Variants in MADD observed in about 807,000 individuals in gnomAD.
MADD encodes MAP kinase-activating death domain protein.
In MADD, 109 loss-of-function variants were observed where a neutral mutation model predicts 176.7. The ratio of observed to expected loss-of-function variants is 0.62; its 90% CI spans 0.53 to 0.72. MADD has a LOEUF of 0.72. Among genes scored for constraint, MADD ranks in the 30% least tolerant of loss-of-function variants. The pLI is 0.00. For missense variants in MADD, 1,914 were observed against 2,045.5 expected, an observed-to-expected ratio of 0.94 and a Z score of 1.24; for synonymous variants, 771 against 771.3, an observed-to-expected ratio of 1.00 and a Z score of 0.01.
At chr11:47,276,633 G>A in intron 4 of MADD, 99 bp from the exon 5 acceptor site, 1 of 1,444,896 alleles carries the variant, frequency 6.9e-7, no homozygotes, top group South Asian at 1.3e-5. Flanking sequence ...GGAGCTGTAG[G>A]CTCGATGAAG....
chr11:47,274,944 C>T, exon 3 of MADD: 1 of 1,614,088 alleles, frequency 6.2e-7, no homozygotes, highest in Non-Finnish European at 8.5e-7. Context: ...TCAGTGCTGA[C>T]TCTACCCCTG....
At chr11:47,296,175 C>T (rs896296614) in intron 22 of MADD, 120 bp downstream of exon 24, 39 of 1,193,300 alleles carry the variant, frequency 3.3e-5, no homozygotes, top group Non-Finnish European at 4.5e-5. Context: ...AAGAGGTAAT[C>T]TTCTTATATT....
At chr11:47,290,224 G>T (rs753445549) in exon 18 of MADD, 4 of 1,614,144 alleles carry the variant, frequency 2.5e-6, no homozygotes, top group Non-Finnish European at 2.5e-6. Flanking sequence ...GCAGTCCTAT[G>T]CCCACGCGGG....
At chr11:47,297,924 G>A (rs953363727) in intron 22 of MADD, among the ~76,000 whole-genome samples, 2 of 150,956 alleles carry the variant, frequency 1.3e-5, no homozygotes, top group Non-Finnish European at 2.9e-5. Flanking sequence ...GAGTAGCTGG[G>A]ACTACAGGCG....
At chr11:47,317,101 C>G (rs936733753) in intron 27 of MADD, among the ~76,000 whole-genome samples, 1 of 152,186 alleles carries the variant, frequency 6.6e-6, no homozygotes, top group Non-Finnish European at 1.5e-5. Context: ...TTATCCCTTG[C>G]TTTTTTCATT....
exon 3 of MADD, chr11:47,275,062 A>C (rs760259138): frequency 6.2e-7 from 1 of 1,614,146 alleles, no homozygotes. Flanking sequence ...TTTCTTCTCC[A>C]CCTTCCGAGA....
At chr11:47,301,154 C>T (rs2077470908) in intron 22 of MADD, among the ~76,000 whole-genome samples, 1 of 151,202 alleles carries the variant, frequency 6.6e-6, no homozygotes, top group South Asian at 2.1e-4. Context: ...CTCTTGTTGC[C>T]CAGGCTGGAG....
At chr11:47,284,693 C>A in intron 12 of MADD, 128 bp downstream of exon 12, 2 of 1,333,498 alleles carry the variant, frequency 1.5e-6, no homozygotes, top group Non-Finnish European at 2.0e-6. Context: ...TCTTCATGGG[C>A]CCTAGAGCTT....
At chr11:47,286,837 C>T (rs2060993952) in intron 15 of MADD, among the ~76,000 whole-genome samples, 1 of 152,168 alleles carries the variant, frequency 6.6e-6, no homozygotes, top group South Asian at 2.1e-4. Context: ...TGCCCCCAGT[C>T]GTCTGCTGGG....
upstream of MADD, chr11:47,269,763 T>G (rs1958446366): frequency 6.8e-6 from 1 of 147,296 alleles, no homozygotes. Flanking sequence ...GAGTGGGGGG[T>G]GGGGACTGGG....
chr11:47,325,066 GTTTA>G lies in MADD; in HGVS notation c.4542+493_4542+496del, dbSNP rs1467036340. On this transcript the variant is annotated intron_variant, in intron 30 of 32. Transcript: ENST00000402192. The surrounding 1 kb of genome is among the most constrained non-coding windows in gnomAD (Gnocchi z 4.5). ...CTTGTATCTGTCCTCTCTGGAGTGT[GTTTA>G]TTTGCCTTTTTCTTCTGCGGATTCT... The G allele has an allele frequency of 2.9e-6, 1 of 347,104 alleles. No homozygotes were observed. The highest frequency in any genetic ancestry group is 5.3e-6 in the Non-Finnish European group (1 of 188,650). The allele number at this position is 347,104 out of a possible 1,614,324, so 21.5% of individuals were successfully genotyped here. A position where few individuals can be genotyped will look rare whatever the true frequency, so the allele number is the denominator to read the frequency against.
exon 24 of MADD, chr11:47,309,399 C>A: frequency 6.2e-7 from 1 of 1,614,160 alleles, no homozygotes; most frequent in Non-Finnish European, 8.5e-7. Context: ...AAATGATCGA[C>A]AGGTATGGGG....
intron 23 of MADD, 38 bp from the exon 27 acceptor site, chr11:47,309,236 CTTAAATG>C (rs762906289): frequency 1.4e-5 from 22 of 1,594,224 alleles, no homozygotes; most frequent in South Asian, 2.3e-5. Context: ...CAGCTATATT[CTTAAATG>C]TTAAATAGGC....
intron 23 of MADD, 49 bp downstream of exon 26, chr11:47,309,091 G>T: frequency 1.9e-6 from 3 of 1,603,834 alleles, no homozygotes; most frequent in South Asian, 1.1e-5. Context: ...CCTTGGGAGG[G>T]ACTGGGCCTT....
chr11:47,295,035 G>A (rs2069783326), intron 20 of MADD, among the ~76,000 whole-genome samples: 1 of 148,150 alleles, frequency 6.7e-6, no homozygotes, highest in South Asian at 2.1e-4. Flanking sequence ...TTTTGAGACA[G>A]GGTCTCATTC....
At chr11:47,323,857 G>C (rs2094961062) in intron 28 of MADD, 22 bp downstream of exon 31, 3 of 1,612,138 alleles carry the variant, frequency 1.9e-6, no homozygotes, top group East Asian at 2.2e-5. Flanking sequence ...CTGTGTTTGG[G>C]TTGGGGCTAG....
At chr11:47,308,565 A>G in intron 22 of MADD, 26 bp from the exon 25 acceptor site, 3 of 1,583,082 alleles carry the variant, frequency 1.9e-6, no homozygotes, top group Non-Finnish European at 2.6e-6. Flanking sequence ...ACCTCTGGCC[A>G]CTGACCTATC....
rs747762171 is a variant in MADD, at chr11:47,329,031, T to C, written c.4660-15T>C. 1.2e-4 allele frequency: 197 copies of C among 1,599,652 alleles called. No individual in the cohort carries two copies. The highest frequency in any genetic ancestry group is 1.6e-4 in the Non-Finnish European group (191 of 1,166,954). The stretch of plus-strand genomic sequence containing the variant: ...AGTCTCAGTATCGTGATCCGCCTGG[T>C]TTTCTCTCCTCTAGGCCCACGAAAT... On this transcript the variant is annotated splice_polypyrimidine_tract_variant and intron_variant, in intron 32 of 32. Coordinates refer to ENST00000402192, the Ensembl canonical transcript of MADD.
At chr11:47,273,573 C>G (rs1056640665) in intron 1 of MADD, among the ~76,000 whole-genome samples, 6 of 152,200 alleles carry the variant, frequency 3.9e-5, no homozygotes, top group African/African-American at 1.4e-4. Flanking sequence ...CTCCTGACCT[C>G]AGGTGATCCG....
Sources: allele counts gnomAD v4.1 joint callset (sites outside exome capture counted in the v4.1 genomes callset), GRCh38; gene constraint gnomAD v4.1.1; non-coding constraint Gnocchi (gnomAD v3.1); transcripts MANE v1.5; gene names NCBI Gene and HGNC (gene_info 2026-07-23, HGNC 2026-07-21).